Variants in ADGRL3 observed in about 807,000 individuals in gnomAD.
ADGRL3 encodes the protein adhesion G protein-coupled receptor L3.
A neutral mutation model predicts 153.5 loss-of-function variants in ADGRL3; 62 were observed. The observed-to-expected ratio is 0.40, with a 90% CI of 0.33 to 0.50. The LOEUF (loss-of-function observed/expected upper bound fraction) is 0.50, where lower values mean the gene tolerates loss of function less well. Ranked by LOEUF, ADGRL3 falls within the 20% of genes least tolerant of loss-of-function variation. ADGRL3 has a pLI of 0.47. For synonymous variants in ADGRL3, 710 were observed against 672.5 expected, an observed-to-expected ratio of 1.06 and a Z score of -0.86; for missense variants, 1,641 against 1,859.4, an observed-to-expected ratio of 0.88 and a Z score of 2.16.
rs950927434 is a variant in ADGRL3, at chr4:61,555,180, G to T, written c.260-32047G>T. On this transcript the variant is annotated intron_variant, in intron 4 of 26. Transcript: ENST00000683033. ...AGAGAGAGCTCCTTCTGTGTTTGCT[G>T]GTTTCTTAATTGCCTTCAGCTCAAA... Among the ~76,000 whole-genome samples the T allele has an allele frequency of 2.2e-4, 33 of 152,168 alleles. 1 individual carries two copies. The highest frequency in any genetic ancestry group is 1.3e-3 in the Admixed American group (20 of 15,284).
chr4:61,481,001 A>G lies in ADGRL3; in HGVS notation c.-173-16120A>G, dbSNP rs527651992. On this transcript the variant is annotated intron_variant, in intron 2 of 26. Transcript: ENST00000683033. ...TTTGCTGAACAGTTTTCAATAATCA[A>G]TATTGATATCTTCAATATAGAAAAA... 2.6e-5 allele frequency among the ~76,000 whole-genome samples: 4 copies of G among 152,270 alleles called. No homozygotes were observed. The South Asian group carries it at 6.2e-4, about 24-fold the overall frequency.
At chr4:61,581,823 G>A (rs2098926901) in intron 4 of ADGRL3, among the ~76,000 whole-genome samples, 1 of 151,986 alleles carries the variant, frequency 6.6e-6, no homozygotes, top group African/African-American at 2.4e-5. Context: ...TACATGTTCA[G>A]TCAGTCATCA....
intron 1 of ADGRL3, among the ~76,000 whole-genome samples, chr4:61,304,935 G>T (rs1456704688): frequency 6.6e-6 from 1 of 152,150 alleles, no homozygotes; most frequent in Non-Finnish European, 1.5e-5. Context: ...TGTAACACTG[G>T]TACCTGCCTT....
At chr4:61,568,149 ATT>A (rs1292045764) in intron 4 of ADGRL3, among the ~76,000 whole-genome samples, 1 of 152,096 alleles carries the variant, frequency 6.6e-6, no homozygotes, top group Non-Finnish European at 1.5e-5. Context: ...CATCGGAAAT[ATT>A]CTTTCTCTAT....
In ADGRL3 at chr4:62,050,904, C is replaced by G. The variant is rs1733727244; in HGVS notation, c.3814+6355C>G. Among the ~76,000 whole-genome samples the G allele has an allele frequency of 4.6e-5, 7 of 151,534 alleles. No individual in the cohort carries two copies. The South Asian group carries it at 1.4e-3, about 31-fold the overall frequency. ...TTAACAAATCAGTGTAACCAAATAA[C>G]AAACTATTTTTATTTTGAACAAGCA... On this transcript the variant is annotated intron_variant, in intron 25 of 26. Transcript: ENST00000683033.
intron 4 of ADGRL3, among the ~76,000 whole-genome samples, chr4:61,559,990 A>C (rs1272604958): frequency 6.6e-6 from 1 of 151,996 alleles, no homozygotes. Flanking sequence ...ACCATCCCCC[A>C]CATATTCACA....
intron 3 of ADGRL3, among the ~76,000 whole-genome samples, chr4:61,516,184 C>T (rs1431546662): frequency 1.3e-5 from 2 of 151,982 alleles, no homozygotes; most frequent in Non-Finnish European, 2.9e-5. Flanking sequence ...ATATGTTTTA[C>T]ACTTCTAATC....
chr4:61,752,163 C>A (rs1036949396), intron 8 of ADGRL3, among the ~76,000 whole-genome samples: 1 of 152,164 alleles, frequency 6.6e-6, no homozygotes, highest in African/African-American at 2.4e-5. Context: ...CTTATAGATT[C>A]TCAGCTTGGG....
intron 17 of ADGRL3, among the ~76,000 whole-genome samples, chr4:61,960,699 TTTTTGTTTTG>T (rs113531067): frequency 1.3e-5 from 2 of 151,832 alleles, no homozygotes; most frequent in African/African-American, 2.4e-5. Flanking sequence ...GGATTAGTGT[TTTTTGTTTTG>T]TTTTGTTTTA....
chr4:61,354,342 G>A (rs1356705626), intron 1 of ADGRL3, among the ~76,000 whole-genome samples: 4 of 152,072 alleles, frequency 2.6e-5, no homozygotes, highest in African/African-American at 9.7e-5. Context: ...AAATACATGA[G>A]AGTTCTCCAT....
chr4:61,208,292 C>T (rs1738272403), intron 1 of ADGRL3, among the ~76,000 whole-genome samples: 1 of 152,128 alleles, frequency 6.6e-6, no homozygotes, highest in African/African-American at 2.4e-5. Context: ...TACCTGATCT[C>T]TCTATGCTTT....
intron 2 of ADGRL3, among the ~76,000 whole-genome samples, chr4:61,469,994 G>A (rs552333047): frequency 2.8e-4 from 42 of 151,514 alleles, no homozygotes; most frequent in African/African-American, 9.4e-4. Flanking sequence ...TCTATCAGCC[G>A]GATGCTTTAT....
At chr4:62,060,229 T>C (rs569685267) in intron 25 of ADGRL3, among the ~76,000 whole-genome samples, 42 of 152,080 alleles carry the variant, frequency 2.8e-4, no homozygotes, top group African/African-American at 9.1e-4. Flanking sequence ...GAAAAAAATA[T>C]ATATGTATTT....
At chr4:61,229,938 ATAT>A (rs1293169391) in intron 1 of ADGRL3, among the ~76,000 whole-genome samples, 1 of 151,936 alleles carries the variant, frequency 6.6e-6, no homozygotes, top group Non-Finnish European at 1.5e-5. Context: ...ATGTATATAC[ATAT>A]TATATAGATA....
chr4:61,207,114 C>T (rs1283887106), intron 1 of ADGRL3, among the ~76,000 whole-genome samples: 1 of 151,858 alleles, frequency 6.6e-6, no homozygotes, highest in Non-Finnish European at 1.5e-5. Context: ...GTTTGTTACA[C>T]AGGTATACAC....
Position 61,497,157 on chromosome 4 carries a change from G to T in ADGRL3, c.-137G>T, listed in dbSNP as rs2098329080. ...GGGATATTGGTGTTTCTGTTTTGGA[G>T]AAATTATTCTTTTTCTTTTTAATTT... On this transcript the variant is annotated 5_prime_UTR_variant, in exon 3 of 27. Coordinates refer to ENST00000683033, the MANE Select transcript of ADGRL3 (RefSeq NM_001387552.1). 3.3e-6 allele frequency: 2 copies of T among 603,716 alleles called. No homozygotes were observed. Among genetic ancestry groups the T allele is most frequent in the Admixed American group, 7.4e-5 (2 of 27,014 alleles). The allele number at this position is 603,716 out of a possible 1,614,324, so 37.4% of individuals were successfully genotyped here.
At chr4:61,403,054 C>A (rs62305275) in intron 2 of ADGRL3, among the ~76,000 whole-genome samples, 93,405 of 151,464 alleles carry the variant, frequency 0.62, 29,628 homozygotes, top group Admixed American at 0.75. Flanking sequence ...GGCCTTTCCT[C>A]TTTGTGTGCA....
At chr4:61,996,895 A>G (rs911181184) in intron 20 of ADGRL3, among the ~76,000 whole-genome samples, 2 of 152,168 alleles carry the variant, frequency 1.3e-5, no homozygotes, top group African/African-American at 4.8e-5. Context: ...TAGATCCATA[A>G]TATTCTGATT....
chr4:61,947,260 A>AT (rs553580588), intron 16 of ADGRL3, 138 bp downstream of exon 16: 11 of 693,954 alleles, frequency 1.6e-5, no homozygotes, highest in Middle Eastern at 4.0e-4. Context: ...TGTAGTGGTA[A>AT]TTTTTTTGTC....
Sources: gnomAD v4.1 joint callset for allele counts (sites outside exome capture counted in the v4.1 genomes callset) on GRCh38, gnomAD v4.1.1 for gene constraint, MANE v1.5 for transcripts, NCBI Gene and HGNC (gene_info 2026-07-23, HGNC 2026-07-21) for gene names.